Variants in CUX1 observed in about 807,000 individuals in gnomAD.
The protein encoded by CUX1 is protein CASP.
Under a neutral mutation model 158.8 loss-of-function variants are expected in CUX1, and 31 were observed. The ratio of observed to expected loss-of-function variants is 0.20; its 90% CI spans 0.15 to 0.26. The LOEUF is 0.26. Ranked by LOEUF, CUX1 falls within the 10% of genes least tolerant of loss-of-function variation. The pLI, the probability that CUX1 is intolerant of heterozygous loss-of-function variation, is 1.00. For synonymous variants in CUX1, 879 were observed against 862.1 expected, an observed-to-expected ratio of 1.02 and a Z score of -0.34; for missense variants, 1,589 against 2,014.6, an observed-to-expected ratio of 0.79 and a Z score of 4.04.
chr7:102,259,444 C>G (rs931985802), downstream of CUX1, among the ~76,000 whole-genome samples: 4 of 152,102 alleles, frequency 2.6e-5, no homozygotes, highest in African/African-American at 9.7e-5. Flanking sequence ...AAAAATTAAC[C>G]AGGCATGGTG....
chr7:101,824,672 C>G (rs1793060090), intron 1 of CUX1: 1 of 152,184 alleles, frequency 6.6e-6, no homozygotes, highest in Admixed American at 6.5e-5. Flanking sequence ...TCAGGACGGC[C>G]TGTCACTTCT....
chr7:101,861,661 G>A (rs930461058), intron 1 of CUX1, among the ~76,000 whole-genome samples: 2 of 152,164 alleles, frequency 1.3e-5, no homozygotes, highest in African/African-American at 4.8e-5. Flanking sequence ...TCCTGATTTG[G>A]TGGTGCTGGT....
chr7:102,011,357 C>G (rs1454286401), intron 2 of CUX1, among the ~76,000 whole-genome samples: 2 of 151,916 alleles, frequency 1.3e-5, no homozygotes, highest in Admixed American at 6.6e-5. Flanking sequence ...GCCCCTTCCC[C>G]GAGACCACCA....
chr7:101,871,976 C>T (rs1378920736), intron 1 of CUX1, among the ~76,000 whole-genome samples: 2 of 151,090 alleles, frequency 1.3e-5, no homozygotes, highest in Non-Finnish European at 1.5e-5. Flanking sequence ...CAAGATTGCA[C>T]CACTGCACTC....
intron 14 of CUX1, among the ~76,000 whole-genome samples, chr7:102,270,181 T>C (rs1000456960): frequency 5.9e-5 from 9 of 152,234 alleles, no homozygotes; most frequent in Admixed American, 2.6e-4. Flanking sequence ...TGACATCAAG[T>C]GGCCACCAGA....
chr7:101,943,201 G>A (rs1467564525), intron 2 of CUX1, among the ~76,000 whole-genome samples: 1 of 151,080 alleles, frequency 6.6e-6, no homozygotes, highest in Non-Finnish European at 1.5e-5. Context: ...CCACCTCCCT[G>A]GTGCAAGAGA....
intron 20 of CUX1, among the ~76,000 whole-genome samples, chr7:102,222,802 G>T (rs1797937587): frequency 4.8e-5 from 3 of 63,108 alleles, no homozygotes; most frequent in Non-Finnish European, 9.2e-5. Context: ...GTGTCTCGGG[G>T]CACCGTATCT....
chr7:101,844,454 C>T (rs1364995098), intron 1 of CUX1, among the ~76,000 whole-genome samples: 1 of 151,896 alleles, frequency 6.6e-6, no homozygotes, highest in Non-Finnish European at 1.5e-5. Flanking sequence ...AATTCTTTTT[C>T]TTCAACACCC....
At position 102,247,596 on chromosome 7, in the gene CUX1, G is replaced by A. The variant is rs527405870; in HGVS notation, c.3888-816G>A. Among the ~76,000 whole-genome samples the A allele has an allele frequency of 5.4e-4, 82 of 152,352 alleles. 3 individuals are homozygous for A. In the South Asian group the frequency reaches 0.015, roughly 28 times the overall value. ...CCCAGCACTTGGGGAGGCCCAGGCA[G>A]GAAGATTGCTTGAGCCCAGGAGCTC... On this transcript the variant is annotated intron_variant, in intron 23 of 23. Coordinates refer to ENST00000292535, the MANE Select transcript of CUX1 (RefSeq NM_181552.4).
In CUX1 at chr7:102,239,467, A is replaced by C; in HGVS notation, c.3770A>C (p.Glu1257Ala). The change falls in exon 23 of 24, where the codon GAG becomes GCG. Residue 1257 changes from glutamate (E) to alanine (A), a missense_variant. Glu to Ala is a moderately radical substitution (Grantham distance 107). Around this residue, in one of 8 missense-constraint regions of CUX1, gnomAD observed 259 missense variants for 373.8 expected, o/e 0.69. Coordinates refer to ENST00000292535, the MANE Select transcript of CUX1 (RefSeq NM_181552.4). Reference protein sequence around the residue: ...PRVVLAPEEKEALKRAYQQKP... With the variant: ...PRVVLAPEEKAALKRAYQQKP... ...GTGGTGCTGGCTCCGGAGGAGAAGG[A>C]GGCGCTGAAACGAGCGTATCAGCAA... is the stretch of plus-strand genomic sequence containing the variant. 6.2e-7 allele frequency: 1 copy of C among 1,614,120 alleles called. No homozygotes were observed. Among genetic ancestry groups the C allele is most frequent in the Non-Finnish European group, 8.5e-7 (1 of 1,179,968 alleles).
At chr7:102,149,793 G>T (rs1402137489) in intron 8 of CUX1, among the ~76,000 whole-genome samples, 1 of 152,106 alleles carries the variant, frequency 6.6e-6, no homozygotes, top group Non-Finnish European at 1.5e-5. Flanking sequence ...GAGTTAAGGG[G>T]ATTCCAGACC....
At chr7:102,275,505 G>A (rs1791542583) in intron 17 of CUX1, 2 of 629,840 alleles carry the variant, frequency 3.2e-6, no homozygotes, top group Non-Finnish European at 5.3e-6. Context: ...GGGCTTCCTG[G>A]AGGAGGTCAT....
intron 1 of CUX1, among the ~76,000 whole-genome samples, chr7:101,874,070 A>G (rs187658314): frequency 2.0e-4 from 31 of 152,324 alleles, no homozygotes; most frequent in Non-Finnish European, 3.8e-4. Context: ...ACTGTAAATC[A>G]TATTTCATAT....
At chr7:102,165,491 A>G (rs1790927556) in intron 9 of CUX1, among the ~76,000 whole-genome samples, 1 of 151,666 alleles carries the variant, frequency 6.6e-6, no homozygotes, top group African/African-American at 2.4e-5. Context: ...CAGTCTCCCA[A>G]GTAGCTGGGA....
intron 2 of CUX1, among the ~76,000 whole-genome samples, chr7:101,979,739 T>C (rs573518234): frequency 1.3e-5 from 2 of 152,224 alleles, no homozygotes; most frequent in Admixed American, 6.5e-5. Flanking sequence ...AACCTCCACC[T>C]CCTGAGTTCA....
At position 102,250,543 on chromosome 7, in the gene CUX1, A is replaced by T; in HGVS notation, c.*1501A>T. On this transcript the variant is annotated 3_prime_UTR_variant, in exon 24 of 24. Transcript: ENST00000292535. ...GGGAAACTTCCTTTCTCTGCAGGAG[A>T]GAGAACGTGGCATTCTGGGCTCCCC... The T allele has an allele frequency of 1.0e-6, 1 of 985,388 alleles. No individual in the cohort carries two copies. The allele number at this position is 985,388 out of a possible 1,614,324, so 61.0% of individuals were successfully genotyped here.
In CUX1 at chr7:101,845,152, C is replaced by T. The variant is rs549429699; in HGVS notation, c.30+27483C>T. Among the ~76,000 whole-genome samples, 42 of 152,184 alleles carry T rather than the reference C, an allele frequency of 2.8e-4. 1 individual carries two copies. In the South Asian group the frequency reaches 5.8e-3, roughly 21 times the overall value. On this transcript the variant is annotated intron_variant, in intron 1 of 23. Transcript: ENST00000292535. Reference sequence around the variant, plus strand: ...CTTCTTCTGTTGTCCATCTCTCTCTCTCTCTCTTTTTGAAATGGAGATGGG... The same window carrying T: ...CTTCTTCTGTTGTCCATCTCTCTCTTTCTCTCTTTTTGAAATGGAGATGGG...
At chr7:102,215,290 G>A (rs566873710) in intron 20 of CUX1, among the ~76,000 whole-genome samples, 2 of 146,468 alleles carry the variant, frequency 1.4e-5, no homozygotes, top group Admixed American at 6.9e-5. Flanking sequence ...CAGAGTGCCT[G>A]GAGCTGGGTT....
intron 1 of CUX1, among the ~76,000 whole-genome samples, chr7:101,909,965 G>A (rs1222062780): frequency 6.6e-6 from 1 of 152,084 alleles, no homozygotes; most frequent in Admixed American, 6.5e-5. Context: ...TGCTGCCCAG[G>A]CTGAAGTGCG....
Sources: gnomAD v4.1 joint callset for allele counts (sites outside exome capture counted in the v4.1 genomes callset) on GRCh38, gnomAD v4.1.1 for gene constraint, gnomAD v4.1.1 regional missense constraint, MANE v1.5 for transcripts, NCBI Gene and HGNC (gene_info 2026-07-23, HGNC 2026-07-21) for gene names.